Variants in GSE1 observed in about 807,000 individuals in gnomAD.
GSE1 encodes the protein Gse1 coiled-coil protein.
GSE1 carries 32 observed loss-of-function variants against 112.6 expected under a neutral mutation model. The ratio of observed to expected loss-of-function variants is 0.28; its 90% CI spans 0.21 to 0.38. GSE1 has a LOEUF of 0.38. GSE1 is among the 10% of genes least tolerant of loss of function. GSE1 has a pLI of 1.00. For synonymous variants in GSE1, 1,115 were observed against 735.6 expected (o/e 1.52, Z -8.35); for missense variants, 2,348 against 1,699.2 (o/e 1.38, Z -6.71).
At chr16:85,322,070 G>A (rs1430045962) in intron 1 of GSE1, among the ~76,000 whole-genome samples, 1 of 152,242 alleles carries the variant, frequency 6.6e-6, no homozygotes, top group African/African-American at 2.4e-5. Flanking sequence ...GTGGGAAGGT[G>A]CCTGAGGCTC....
chr16:85,625,924 T>C (rs1329111610), intron 1 of GSE1, among the ~76,000 whole-genome samples: 2 of 152,170 alleles, frequency 1.3e-5, no homozygotes, highest in Admixed American at 6.5e-5. Flanking sequence ...TCTTTCCTCC[T>C]GGGGTAGGGA....
chr16:85,409,942 C>T (rs1252578236), intron 2 of GSE1, among the ~76,000 whole-genome samples: 1 of 11,440 alleles, frequency 8.7e-5, no homozygotes, highest in Non-Finnish European at 1.8e-4. Context: ...TCAGGCCCCC[C>T]GGATAATCCT....
intron 1 of GSE1, among the ~76,000 whole-genome samples, chr16:85,348,104 C>T (rs755328657): frequency 6.6e-5 from 10 of 152,136 alleles, no homozygotes; most frequent in East Asian, 1.9e-4. Flanking sequence ...AATAAAAAGG[C>T]GGTTCTGCCC....
chr16:85,368,323 A>C (rs1350756577), intron 2 of GSE1, among the ~76,000 whole-genome samples: 6 of 152,164 alleles, frequency 3.9e-5, no homozygotes, highest in African/African-American at 1.2e-4. Context: ...GAGAGTTCTG[A>C]AGGTCACTGG....
Position 85,634,247 on chromosome 16 carries a change from T to C in GSE1, c.226+115T>C, listed in dbSNP as rs192548587. The C allele has an allele frequency of 3.3e-4, 239 of 716,230 alleles. 1 individual carries two copies. The highest frequency in any genetic ancestry group is 2.7e-3 in the Admixed American group (66 of 24,788). The allele number at this position is 716,230 out of a possible 1,614,324, so 44.4% of individuals were successfully genotyped here. A position where few individuals can be genotyped will look rare whatever the true frequency, so the allele number is the denominator to read the frequency against. On this transcript the variant is annotated intron_variant, in intron 2 of 15. Transcript: ENST00000253458. ...CAGGTCTCGTCTTTCCCACGCCGTGTGCTCTGCATGGAGCAGGCAGTGCTG... is the reference window on the plus strand; with the variant it reads ...CAGGTCTCGTCTTTCCCACGCCGTGCGCTCTGCATGGAGCAGGCAGTGCTG...
At chr16:85,535,232 G>A (rs1420382324) in intron 2 of GSE1, among the ~76,000 whole-genome samples, 2 of 152,218 alleles carry the variant, frequency 1.3e-5, no homozygotes, top group Admixed American at 6.5e-5. Context: ...CCTGCCTCAC[G>A]GTGCCGAGAT....
chr16:85,477,237 C>T (rs1163163741), intron 2 of GSE1, among the ~76,000 whole-genome samples: 1 of 152,196 alleles, frequency 6.6e-6, no homozygotes, highest in Non-Finnish European at 1.5e-5. Flanking sequence ...GGAGCTGACC[C>T]CGGGGGGCAC....
At chr16:85,262,478 G>A (rs1907801999) in intron 1 of GSE1, among the ~76,000 whole-genome samples, 1 of 152,230 alleles carries the variant, frequency 6.6e-6, no homozygotes, top group South Asian at 2.1e-4. Flanking sequence ...GAAGCCGCAT[G>A]CCGGGACTTC....
At chr16:85,235,539 G>A (rs1315922818) in intron 1 of GSE1, among the ~76,000 whole-genome samples, 1 of 145,668 alleles carries the variant, frequency 6.9e-6, no homozygotes, top group Non-Finnish European at 1.5e-5. Flanking sequence ...AGACCTGGAT[G>A]AGGGGGTGAT....
At chr16:85,541,889 TGGGAAC>T (rs1205529961) in intron 2 of GSE1, among the ~76,000 whole-genome samples, 1 of 152,132 alleles carries the variant, frequency 6.6e-6, no homozygotes. Context: ...TCCCCAGCAC[TGGGAAC>T]GGGCTGAGCA....
At position 85,613,326 on chromosome 16, in the gene GSE1, TAG is replaced by T; in HGVS notation, c.-64_-63del. The T allele has an allele frequency of 6.4e-7, 1 of 1,553,172 alleles. No homozygotes were observed. Among genetic ancestry groups the T allele is most frequent in the Non-Finnish European group, 8.7e-7 (1 of 1,148,768 alleles). ...GCAGCCCCGGGTGAGATAAGCAGTT[TAG>T]ACAAACACTGGGCGACGGTGGCTCC... On this transcript the variant is annotated 5_prime_UTR_variant, in exon 1 of 16. Coordinates refer to ENST00000253458, the MANE Select transcript of GSE1 (RefSeq NM_014615.5).
chr16:85,225,665 C>T (rs1426978752), intron 1 of GSE1, among the ~76,000 whole-genome samples: 1 of 152,202 alleles, frequency 6.6e-6, no homozygotes, highest in African/African-American at 2.4e-5. Context: ...TGTCTTTGGC[C>T]ATTCTGACAC....
rs148709566 is a variant in GSE1 at position 85,662,994 on chromosome 16, C to T, written c.2274C>T (p.Asp758=). ...TTTCTCCATCAGGGTACTACTACGA[C>T]CTCGATGACTCTTACGACGAGAGCG... The part of the protein sequence containing the change: ...REAQEKGYYY[D]LDDSYDESDE... Residue 758 remains aspartate (D), a synonymous_variant, in exon 10 of 16, where the codon GAC becomes GAT. Coordinates refer to ENST00000253458, the MANE Select transcript of GSE1 (RefSeq NM_014615.5). 83 of 1,609,350 alleles carry T rather than the reference C, an allele frequency of 5.2e-5. 2 individuals are homozygous for T. In the East Asian group the frequency reaches 1.7e-3, roughly 34 times the overall value.
At chr16:85,378,411 G>C (rs1170586009) in intron 2 of GSE1, among the ~76,000 whole-genome samples, 1 of 152,146 alleles carries the variant, frequency 6.6e-6, no homozygotes, top group Non-Finnish European at 1.5e-5. Context: ...GGCAGTGTGG[G>C]CATGTGTGGG....
chr16:85,583,831 G>A (rs1395258893), intron 1 of GSE1, among the ~76,000 whole-genome samples: 1 of 152,332 alleles, frequency 6.6e-6, no homozygotes, highest in Non-Finnish European at 1.5e-5. Flanking sequence ...TGGAGGGGCT[G>A]TCTGGAGCCT....
intron 2 of GSE1, among the ~76,000 whole-genome samples, chr16:85,412,721 C>G (rs1451410354): frequency 6.7e-6 from 1 of 149,954 alleles, no homozygotes; most frequent in Non-Finnish European, 1.5e-5. Context: ...CTCACTGTTA[C>G]TCTCAGGCCC....
At chr16:85,246,674 C>T (rs1378502565) in intron 1 of GSE1, among the ~76,000 whole-genome samples, 1 of 152,072 alleles carries the variant, frequency 6.6e-6, no homozygotes, top group Non-Finnish European at 1.5e-5. Flanking sequence ...CCAGGCCCAC[C>T]CCACTCCCAC....
At chr16:85,478,927 C>T (rs71372925) in intron 2 of GSE1, among the ~76,000 whole-genome samples, 904 of 27,520 alleles carry the variant, frequency 0.033, 24 homozygotes, top group Non-Finnish European at 0.036. Flanking sequence ...TTCTTTCTTT[C>T]TCTTTCTTTC....
At chr16:85,523,936 C>G (rs1225557790) in intron 2 of GSE1, among the ~76,000 whole-genome samples, 6 of 152,186 alleles carry the variant, frequency 3.9e-5, no homozygotes, top group Non-Finnish European at 8.8e-5. Flanking sequence ...GCAGCTTACT[C>G]CCTCGGTTTC....
Sources: allele counts gnomAD v4.1 joint callset (sites outside exome capture counted in the v4.1 genomes callset), GRCh38; gene constraint gnomAD v4.1.1; transcripts MANE v1.5; gene names NCBI Gene and HGNC (gene_info 2026-07-23, HGNC 2026-07-21).